HS6ST2: variants seen among roughly 807,000 people sequenced by gnomAD.
The protein encoded by HS6ST2 is heparan-sulfate 6-O-sulfotransferase 2.
HS6ST2 carries 17 observed loss-of-function variants against 33.0 expected under a neutral mutation model. That is an observed-to-expected ratio of 0.52 (90% CI 0.35 to 0.77). The LOEUF is 0.77. HS6ST2 is among the 30% of genes least tolerant of loss of function. The pLI, the probability that HS6ST2 is intolerant of heterozygous loss-of-function variation, is 0.01. For synonymous variants in HS6ST2, 248 were observed against 237.1 expected (o/e 1.05, Z -0.42); for missense variants, 519 against 551.7 (o/e 0.94, Z 0.59).
chrX:132,688,339 G>A (rs1157954547), intron 3 of HS6ST2, among the ~76,000 whole-genome samples: 1 of 111,824 alleles, frequency 8.9e-6, no homozygotes, highest in African/African-American at 3.2e-5. Context: ...GATTCAAAAT[G>A]TAAGAAACAA....
intron 3 of HS6ST2, among the ~76,000 whole-genome samples, chrX:132,684,581 CACCTGCTCATGGG>C (rs1433001414): frequency 9.1e-6 from 1 of 110,352 alleles, no homozygotes; most frequent in Non-Finnish European, 1.9e-5. Context: ...CTCCCTAAAG[CACCTGCTCATGGG>C]ACAATAGGAA....
intron 3 of HS6ST2, among the ~76,000 whole-genome samples, chrX:132,696,508 T>A (rs2064105758): frequency 2.7e-5 from 3 of 111,890 alleles, no homozygotes; most frequent in Admixed American, 1.9e-4. Context: ...TCTTGGTCTC[T>A]GTCCACCTCT....
chrX:132,821,061 C>T (rs966251868), intron 2 of HS6ST2, among the ~76,000 whole-genome samples: 3 of 110,354 alleles, frequency 2.7e-5, no homozygotes, highest in African/African-American at 6.6e-5. Flanking sequence ...TTCTCATCAC[C>T]TCCCCCCACC....
At chrX:132,637,565 G>A (rs1404045093) in intron 4 of HS6ST2, among the ~76,000 whole-genome samples, 1 of 104,677 alleles carries the variant, frequency 9.6e-6, no homozygotes, top group Admixed American at 1.1e-4. Context: ...CTACTCAAAG[G>A]GGAAATAAAT....
intron 2 of HS6ST2, among the ~76,000 whole-genome samples, chrX:132,873,749 G>A (rs2066085344): frequency 9.0e-6 from 1 of 111,245 alleles, no homozygotes; most frequent in African/African-American, 3.3e-5. Flanking sequence ...AGCAGTCATC[G>A]GTTAAACAAA....
intron 3 of HS6ST2, among the ~76,000 whole-genome samples, chrX:132,702,346 A>C (rs1453416611): frequency 8.9e-6 from 1 of 112,592 alleles, no homozygotes; most frequent in Non-Finnish European, 1.9e-5. Flanking sequence ...ACAAAAATGC[A>C]CTGAGTAATC....
At chrX:132,938,299 G>A (rs1375319607) in intron 2 of HS6ST2, among the ~76,000 whole-genome samples, 1 of 108,701 alleles carries the variant, frequency 9.2e-6, no homozygotes, top group Non-Finnish European at 1.9e-5. Context: ...CTAGGAATAA[G>A]AGAACTTCCT....
chrX:132,710,210 C>G (rs1371672588), intron 2 of HS6ST2, among the ~76,000 whole-genome samples: 1 of 110,462 alleles, frequency 9.1e-6, no homozygotes, highest in East Asian at 2.8e-4. Flanking sequence ...GTGCATCAAT[C>G]AAAAGGGTGG....
At chrX:132,651,985 C>T (rs1284342368) in intron 4 of HS6ST2, among the ~76,000 whole-genome samples, 1 of 111,876 alleles carries the variant, frequency 8.9e-6, no homozygotes, top group East Asian at 2.8e-4. Flanking sequence ...CGCAGGCAAA[C>T]GACAGGCACC....
At chrX:132,802,411 C>T (rs1048063832) in intron 2 of HS6ST2, among the ~76,000 whole-genome samples, 7 of 111,570 alleles carry the variant, frequency 6.3e-5, no homozygotes, top group Non-Finnish European at 1.1e-4. Context: ...TTTTTCTGTC[C>T]GCAAGTGTGT....
intron 2 of HS6ST2, among the ~76,000 whole-genome samples, chrX:132,853,023 A>T (rs920800912): frequency 1.8e-5 from 2 of 112,407 alleles, no homozygotes; most frequent in Non-Finnish European, 3.8e-5. Flanking sequence ...AAAATCTATA[A>T]TCTCCCAACA....
intron 2 of HS6ST2, among the ~76,000 whole-genome samples, chrX:132,894,155 GA>G (rs1442443676): frequency 1.9e-5 from 2 of 106,306 alleles, no homozygotes; most frequent in African/African-American, 6.9e-5. Flanking sequence ...GGGAGGTGGG[GA>G]GAGAGACGAA....
At chrX:132,900,364 T>C (rs1329064498) in intron 2 of HS6ST2, among the ~76,000 whole-genome samples, 1 of 111,673 alleles carries the variant, frequency 9.0e-6, no homozygotes, top group East Asian at 2.8e-4. Context: ...AAAATGTGCA[T>C]AAATATTAAA....
intron 2 of HS6ST2, among the ~76,000 whole-genome samples, chrX:132,752,608 AG>A (rs1181841000): frequency 1.6e-4 from 18 of 111,855 alleles, no homozygotes; most frequent in Non-Finnish European, 9.4e-5. Context: ...TCTGTGAGTT[AG>A]TATCAGAATC....
chrX:132,636,225 T>C (rs757002675), intron 4 of HS6ST2, among the ~76,000 whole-genome samples: 1 of 111,918 alleles, frequency 8.9e-6, no homozygotes, highest in Non-Finnish European at 1.9e-5. Context: ...GCAGAGCTTA[T>C]GATGAGCAAA....
At chrX:132,862,424 A>G (rs1418852003) in intron 2 of HS6ST2, among the ~76,000 whole-genome samples, 1 of 112,242 alleles carries the variant, frequency 8.9e-6, no homozygotes, top group Non-Finnish European at 1.9e-5. Context: ...AAGGACACTG[A>G]CTTCAAAATC....
intron 2 of HS6ST2, among the ~76,000 whole-genome samples, chrX:132,902,247 G>A (rs969780235): frequency 9.0e-6 from 1 of 110,974 alleles, no homozygotes; most frequent in African/African-American, 3.3e-5. Flanking sequence ...GACCACAGGC[G>A]TGTGCCACCA....
chrX:132,915,717 T>C (rs1202016863), intron 2 of HS6ST2, among the ~76,000 whole-genome samples: 1 of 110,621 alleles, frequency 9.0e-6, no homozygotes, highest in Non-Finnish European at 1.9e-5. Context: ...CATAAAATGT[T>C]CTTATCATTG....
intron 3 of HS6ST2, chrX:132,669,711 G>C (rs750360002): frequency 9.6e-6 from 1 of 104,488 alleles, no homozygotes; most frequent in African/African-American, 3.5e-5. Context: ...GGAAGTCCGT[G>C]AATTCAGATA....
Sources: gnomAD v4.1 joint callset for allele counts (sites outside exome capture counted in the v4.1 genomes callset) on GRCh38, gnomAD v4.1.1 for gene constraint, MANE v1.5 for transcripts, NCBI Gene and HGNC (gene_info 2026-07-23, HGNC 2026-07-21) for gene names.